The following ESPL1 variants were observed in gnomAD, a reference collection of about 807,000 sequenced individuals.
ESPL1 encodes the protein separin.
Under a neutral mutation model 217.2 loss-of-function variants are expected in ESPL1, and 50 were observed. That is an observed-to-expected ratio of 0.23 (90% CI 0.18 to 0.29). ESPL1 has a LOEUF of 0.29. Among genes scored for constraint, ESPL1 ranks in the 10% least tolerant of loss-of-function variants. The pLI is 1.00. For missense variants in ESPL1, 1,834 were observed against 2,603.0 expected, an observed-to-expected ratio of 0.70 and a Z score of 6.43; for synonymous variants, 994 against 1,081.3, an observed-to-expected ratio of 0.92 and a Z score of 1.58.
At chr12:53,283,617 C>A (rs2120950224) in intron 16 of ESPL1, 79 bp downstream of exon 16, 1 of 1,342,394 alleles carries the variant, frequency 7.4e-7, no homozygotes, top group Non-Finnish European at 1.0e-6. Context: ...CAAACTGTTC[C>A]ACAGATTACA....
Position 53,268,939 on chromosome 12 carries a change from C to G in ESPL1, c.82-85C>G, listed in dbSNP as rs769886071. Reference sequence around the variant, plus strand: ...TGAAGAGATGGATAAGTAGGCGACCCTCTCTGAGTAACCCTATTTCTAGTT... The same window carrying G: ...TGAAGAGATGGATAAGTAGGCGACCGTCTCTGAGTAACCCTATTTCTAGTT... On this transcript the variant is annotated intron_variant, in intron 2 of 30. Coordinates refer to ENST00000257934, the MANE Select transcript of ESPL1 (RefSeq NM_012291.5). The G allele has an allele frequency of 5.4e-6, 8 of 1,484,064 alleles. No individual in the cohort carries two copies. In the African/African-American group the frequency reaches 8.3e-5, roughly 15 times the overall value. The allele number at this position is 1,484,064 out of a possible 1,614,324, so 91.9% of individuals were successfully genotyped here. A position where few individuals can be genotyped will look rare whatever the true frequency, so the allele number is the denominator to read the frequency against.
In ESPL1 at chr12:53,269,932, A is replaced by ACCC; in HGVS notation, c.993_995dup (p.Pro332dup). The ACCC allele has an allele frequency of 6.2e-7, 1 of 1,613,588 alleles. No individual in the cohort carries two copies. The highest frequency in any genetic ancestry group is 1.3e-5 in the African/African-American group (1 of 74,802). On this transcript the variant is annotated inframe_insertion, in exon 3 of 31. Transcript: ENST00000257934. This position sits in a 1 kb window ranked among gnomAD's most constrained non-coding sequence, Gnocchi z 6.7. ...TGAGCAAGAGTATGGAGGCACCATC[A>ACCC]CCCCCACTTCGGGCATTGTATGAGA...
Position 53,288,531 on chromosome 12 carries a change from TCCCCAGGTGGGAAGACTCCAGCTCCGGG to T in ESPL1, c.4547-3_4571del. The T allele has an allele frequency of 6.2e-7, 1 of 1,606,444 alleles. No homozygotes were observed. Among genetic ancestry groups the T allele is most frequent in the Non-Finnish European group, 8.5e-7 (1 of 1,177,128 alleles). On this transcript the variant is annotated splice_acceptor_variant and splice_polypyrimidine_tract_variant and coding_sequence_variant and intron_variant, in exon 20 of 31. Transcript: ENST00000257934. LOFTEE classifies it high-confidence loss of function. ...AGCACTGTGAAAAAGGCCTGCTCTC[TCCCCAGGTGGGAAGACTCCAGCTCCGGG>T]CCCTGAGGCAGCTTCTGGAGAATGG...
chr12:53,281,657 C>G, intron 13 of ESPL1, 31 bp downstream of exon 13: 1 of 1,600,082 alleles, frequency 6.2e-7, no homozygotes, highest in Non-Finnish European at 8.5e-7. Context: ...CTCCGAAGGC[C>G]CTGGGTATTA....
At chr12:53,289,037 T>C (rs1210023744) in intron 20 of ESPL1, 53 bp from the exon 21 acceptor site, 13 of 1,402,120 alleles carry the variant, frequency 9.3e-6, no homozygotes, top group Non-Finnish European at 1.3e-5. Context: ...AAAGTTCCTA[T>C]CAACTATGAA....
intron 6 of ESPL1, among the ~76,000 whole-genome samples, chr12:53,273,539 A>T (rs971169676): frequency 6.7e-6 from 1 of 149,478 alleles, no homozygotes; most frequent in African/African-American, 2.5e-5. Context: ...CAGGTGGATC[A>T]CCTGAGGTCT....
intron 25 of ESPL1, 60 bp downstream of exon 25, chr12:53,291,056 A>C (rs1944048905): frequency 4.1e-6 from 6 of 1,448,768 alleles, no homozygotes; most frequent in South Asian, 1.3e-5. Context: ...TAATCCCAGC[A>C]CTTTGGGAGG....
At position 53,277,980 on chromosome 12, in the gene ESPL1, A is replaced by G; in HGVS notation, c.2364+20A>G. On this transcript the variant is annotated intron_variant, in intron 11 of 30. Transcript: ENST00000257934. ...GCAAAGGTAATGGGGTGGGGCATTG[A>G]GGGGGACCCATATAAACAAGGACTA... 4 of 1,610,480 alleles carry G rather than the reference A, an allele frequency of 2.5e-6. No homozygotes were observed. The highest frequency in any genetic ancestry group is 3.4e-6 in the Non-Finnish European group (4 of 1,178,606).
At chr12:53,268,515 C>T in intron 1 of ESPL1, 138 bp downstream of exon 1, 1 of 497,744 alleles carries the variant, frequency 2.0e-6, no homozygotes. Flanking sequence ...CGCTGAAGGG[C>T]TGGGCCGAGG....
At position 53,292,690 on chromosome 12, in the gene ESPL1, G is replaced by T; in HGVS notation, c.5996+33G>T. ...CTTAAGGCAGGGATGTGGGGAGAGG[G>T]GCAGTCCTGAGGATGGTATCACCAT... On this transcript the variant is annotated intron_variant, in intron 29 of 30. Coordinates refer to ENST00000257934, the MANE Select transcript of ESPL1 (RefSeq NM_012291.5). This position sits in a 1 kb window ranked among gnomAD's most constrained non-coding sequence, Gnocchi z 4.5. 6.2e-7 allele frequency: 1 copy of T among 1,602,882 alleles called. No individual in the cohort carries two copies. Among genetic ancestry groups the T allele is most frequent in the South Asian group, 1.1e-5 (1 of 90,872 alleles).
At chr12:53,270,843 C>A in intron 5 of ESPL1, 45 bp downstream of exon 5, 1 of 1,609,752 alleles carries the variant, frequency 6.2e-7, no homozygotes, top group Non-Finnish European at 8.5e-7. Flanking sequence ...GGAGGGTCAT[C>A]ACCCATTAGG....
chr12:53,278,430 C>T (rs1035281012), intron 11 of ESPL1, among the ~76,000 whole-genome samples: 123 of 150,554 alleles, frequency 8.2e-4, no homozygotes, highest in Non-Finnish European at 2.2e-4. Flanking sequence ...GAGCCAAGAT[C>T]GCGCCACTGC....
At chr12:53,273,552 A>G (rs61276368) in intron 6 of ESPL1, among the ~76,000 whole-genome samples, 8,138 of 150,408 alleles carry the variant, frequency 0.054, 374 homozygotes, top group East Asian at 0.14. Flanking sequence ...TGAGGTCTGG[A>G]GTTTGAGACC....
At chr12:53,275,278 C>T (rs1190953025) in intron 7 of ESPL1, among the ~76,000 whole-genome samples, 4 of 152,188 alleles carry the variant, frequency 2.6e-5, no homozygotes, top group African/African-American at 4.8e-5. Context: ...CTGGCTAATA[C>T]GGTGAAACCC....
chr12:53,288,320 G>T lies in ESPL1; in HGVS notation c.4525G>T (p.Asp1509Tyr). 1.2e-6 allele frequency: 2 copies of T among 1,600,560 alleles called. No individual in the cohort carries two copies. The highest frequency in any genetic ancestry group is 1.7e-6 in the Non-Finnish European group (2 of 1,173,970). ...KMSFEILRGS[D>Y]GEDSASGGKT... ...GAGCTTTGAGATCCTCAGGGGCTCT[G>T]ACGGGGAAGACTCAGCCTCAGGTAG... Residue 1509 changes from aspartate (D) to tyrosine (Y), a missense_variant, in exon 19 of 31, where the codon GAC becomes TAC. Around this residue, in one of 5 missense-constraint regions of ESPL1, gnomAD observed 681 missense variants for 808.0 expected, o/e 0.84. Transcript: ENST00000257934.
chr12:53,291,593 A>G, intron 25 of ESPL1, 97 bp from the exon 26 acceptor site: 1 of 1,392,654 alleles, frequency 7.2e-7, no homozygotes, highest in East Asian at 2.3e-5. Context: ...TCTGTCAAAA[A>G]AAAAAGAAAA....
chr12:53,275,205 G>A (rs1346765935), intron 7 of ESPL1, among the ~76,000 whole-genome samples, 195 bp downstream of exon 7: 2 of 152,204 alleles, frequency 1.3e-5, no homozygotes, highest in Non-Finnish European at 2.9e-5. Context: ...CAGCACACAT[G>A]TAATCCCAGC....
At position 53,277,896 on chromosome 12, in the gene ESPL1, G is replaced by A. The variant is rs1943799176; in HGVS notation, c.2300G>A (p.Arg767Gln). The change falls in exon 11 of 31, where the codon CGG becomes CAG. Residue 767 changes from arginine to glutamine, a missense_variant. Physicochemically the swap from Arg to Gln is conservative, Grantham distance 43 (BLOSUM62 1). Transcript: ENST00000257934. The part of the protein sequence containing the change: ...LLTKGQAPAV[R>Q]CLQQTAASLQ... ...ACAAAGGGGCAGGCCCCAGCTGTAC[G>A]GTGTCTCCAGCAGACAGCAGCCTCA... The A allele has an allele frequency of 1.9e-6, 3 of 1,614,180 alleles. No individual in the cohort carries two copies. The highest frequency in any genetic ancestry group is 2.5e-6 in the Non-Finnish European group (3 of 1,180,032).
At chr12:53,277,370 T>A (rs1943787537) in intron 9 of ESPL1, 100 bp from the exon 10 acceptor site, 1 of 1,495,984 alleles carries the variant, frequency 6.7e-7, no homozygotes. Flanking sequence ...GGTCTTGAAC[T>A]CCTGGGCTCC....
Sources: gnomAD v4.1 joint callset for allele counts (sites outside exome capture counted in the v4.1 genomes callset) on GRCh38, gnomAD v4.1.1 for gene constraint, gnomAD v4.1.1 regional missense constraint, Gnocchi (gnomAD v3.1) non-coding constraint, MANE v1.5 for transcripts, NCBI Gene and HGNC (gene_info 2026-07-23, HGNC 2026-07-21) for gene names.